The following ASH1L variants were observed in gnomAD, a reference collection of about 807,000 sequenced individuals.
ASH1L encodes the protein ASH1 like histone lysine methyltransferase, also known as histone-lysine N-methyltransferase ASH1L.
ASH1L carries 23 observed loss-of-function variants against 269.0 expected under a neutral mutation model. The observed-to-expected ratio is 0.09, with a 90% confidence interval of 0.06 to 0.12. The LOEUF (loss-of-function observed/expected upper bound fraction) is 0.12. ASH1L is among the 10% of genes least tolerant of loss of function. ASH1L has a pLI of 1.00. For missense variants in ASH1L, 2,912 were observed against 3,567.8 expected (o/e 0.82, Z 4.68); for synonymous variants, 1,187 against 1,253.5 (o/e 0.95, Z 1.12).
intron 4 of ASH1L, among the ~76,000 whole-genome samples, chr1:155,451,087 C>T (rs570022952): frequency 6.6e-6 from 1 of 150,964 alleles, no homozygotes; most frequent in Non-Finnish European, 1.5e-5. Context: ...ATCCCAGCTA[C>T]TCGGGAGGCT....
At position 155,480,261 on chromosome 1, in the gene ASH1L, G is replaced by A. The variant is rs1369145097; in HGVS notation, c.2609C>T (p.Pro870Leu). 1.2e-6 allele frequency: 2 copies of A among 1,614,138 alleles called. No individual in the cohort carries two copies. Among genetic ancestry groups the A allele is most frequent in the Non-Finnish European group, 1.7e-6 (2 of 1,180,016 alleles). Residue 870 changes from proline to leucine, a missense_variant, in exon 3 of 28, where the codon CCA becomes CTA. Pro to Leu is a moderately conservative substitution (Grantham distance 98). Transcript: ENST00000392403. ...TTTGAAGGAAGGGATTTCAATTTCTGGCTGTAAAATTGGGGGTTCTTGTTC... is the reference window on the plus strand; with the variant it reads ...TTTGAAGGAAGGGATTTCAATTTCTAGCTGTAAAATTGGGGGTTCTTGTTC... ...KEEQEPPILQ[P>L]EIEIPSFKQG... is the part of the protein sequence containing the mutation.
At chr1:155,407,374 A>G (rs1659383825) in intron 6 of ASH1L, among the ~76,000 whole-genome samples, 1 of 152,236 alleles carries the variant, frequency 6.6e-6, no homozygotes, top group African/African-American at 2.4e-5. Context: ...GAATTTAGCA[A>G]TATTTACAAT....
chr1:155,364,019 T>C (rs1655195132), intron 12 of ASH1L, among the ~76,000 whole-genome samples: 2 of 150,228 alleles, frequency 1.3e-5, no homozygotes, highest in Admixed American at 1.3e-4. Flanking sequence ...TCTGGCCGGG[T>C]GTTGTGGCTC....
At chr1:155,489,433 C>G (rs1283116618) in intron 2 of ASH1L, among the ~76,000 whole-genome samples, 2 of 148,618 alleles carry the variant, frequency 1.3e-5, no homozygotes, top group Non-Finnish European at 3.0e-5. Context: ...GAGATTGTGT[C>G]ACTGTACTCC....
At chr1:155,556,401 CGTGTGTGTGTGTGTGT>C (rs71080711) in intron 1 of ASH1L, among the ~76,000 whole-genome samples, 45 of 140,564 alleles carry the variant, frequency 3.2e-4, no homozygotes, top group African/African-American at 1.0e-3. Context: ...CATATATATA[CGTGTGTGTGTGTGTGT>C]GTGTGTGTGT....
At chr1:155,471,765 C>T (rs1386292567) in intron 3 of ASH1L, among the ~76,000 whole-genome samples, 1 of 152,232 alleles carries the variant, frequency 6.6e-6, no homozygotes, top group East Asian at 1.9e-4. Flanking sequence ...CACGAAGTTG[C>T]AAATTTTTAG....
chr1:155,421,317 GTT>G (rs11442413), intron 5 of ASH1L, among the ~76,000 whole-genome samples: 1,630 of 85,814 alleles, frequency 0.019, 29 homozygotes, highest in African/African-American at 0.067. Flanking sequence ...AGTACCAACA[GTT>G]TTTTTTTTTT....
At chr1:155,442,925 C>G (rs1319679501) in intron 4 of ASH1L, among the ~76,000 whole-genome samples, 1 of 152,126 alleles carries the variant, frequency 6.6e-6, no homozygotes, top group Non-Finnish European at 1.5e-5. Flanking sequence ...ATTTACCTGA[C>G]CAGGAAGCAC....
chr1:155,408,552 C>A (rs1659501706), intron 6 of ASH1L, among the ~76,000 whole-genome samples: 1 of 151,906 alleles, frequency 6.6e-6, no homozygotes, highest in African/African-American at 2.4e-5. Flanking sequence ...GAAAAGTAAA[C>A]CAAAACAAAA....
At chr1:155,434,989 C>T (rs1661971258) in intron 5 of ASH1L, among the ~76,000 whole-genome samples, 1 of 152,176 alleles carries the variant, frequency 6.6e-6, no homozygotes, top group Non-Finnish European at 1.5e-5. Context: ...GAAACCCCGT[C>T]TCTACTAAAA....
intron 1 of ASH1L, among the ~76,000 whole-genome samples, chr1:155,555,929 C>T (rs1400648495): frequency 1.3e-5 from 2 of 152,022 alleles, no homozygotes; most frequent in Admixed American, 1.3e-4. Context: ...ACTGGAAGAT[C>T]TGCTTTAAAA....
intron 16 of ASH1L, among the ~76,000 whole-genome samples, 166 bp from the exon 17 acceptor site, chr1:155,353,024 C>A (rs146643109): frequency 6.6e-6 from 1 of 152,274 alleles, no homozygotes; most frequent in African/African-American, 2.4e-5. Context: ...TCAGGAAACA[C>A]TGGAATTTAC....
intron 1 of ASH1L, among the ~76,000 whole-genome samples, chr1:155,545,475 C>A (rs1038597578): frequency 1.3e-5 from 2 of 151,684 alleles, no homozygotes; most frequent in African/African-American, 4.8e-5. Context: ...CACACACACA[C>A]AAAATATATG....
chr1:155,513,974 G>A (rs749491383), intron 2 of ASH1L, among the ~76,000 whole-genome samples: 5 of 152,104 alleles, frequency 3.3e-5, no homozygotes, highest in Non-Finnish European at 5.9e-5. Context: ...CCTTAAAAAC[G>A]AAAGCAACTC....
At chr1:155,399,254 G>A (rs1658628805) in intron 6 of ASH1L, among the ~76,000 whole-genome samples, 1 of 152,156 alleles carries the variant, frequency 6.6e-6, no homozygotes, top group Admixed American at 6.6e-5. Context: ...TTGAACAAAG[G>A]GTGGCCCTGG....
At chr1:155,507,087 A>G (rs558797497) in intron 2 of ASH1L, among the ~76,000 whole-genome samples, 1 of 152,262 alleles carries the variant, frequency 6.6e-6, no homozygotes, top group South Asian at 2.1e-4. Context: ...GTTCGAAATG[A>G]GCCTGACCAA....
At chr1:155,358,718 A>G (rs898886539) in intron 13 of ASH1L, 5 of 151,624 alleles carry the variant, frequency 3.3e-5, no homozygotes, top group Admixed American at 2.0e-4. Flanking sequence ...AAAAAAAAAC[A>G]TGAAATGCTT....
At chr1:155,464,145 A>G (rs994663882) in intron 3 of ASH1L, among the ~76,000 whole-genome samples, 1 of 152,134 alleles carries the variant, frequency 6.6e-6, no homozygotes, top group Non-Finnish European at 1.5e-5. Context: ...ATCATGTGAC[A>G]AATGTTTGCT....
At chr1:155,439,177 T>A in intron 4 of ASH1L, 109 bp from the exon 5 acceptor site, 1 of 1,170,042 alleles carries the variant, frequency 8.5e-7, no homozygotes, top group Non-Finnish European at 1.2e-6. Flanking sequence ...ATAGCAAGAT[T>A]ACACATCATA....
Sources: gnomAD v4.1 joint callset for allele counts (sites outside exome capture counted in the v4.1 genomes callset) on GRCh38, gnomAD v4.1.1 for gene constraint, MANE v1.5 for transcripts, NCBI Gene and HGNC (gene_info 2026-07-23, HGNC 2026-07-21) for gene names.